CNTNAP2: variants seen among roughly 807,000 people sequenced by gnomAD.
CNTNAP2 encodes contactin associated protein 2, also known as contactin-associated protein-like 2.
CNTNAP2 carries 98 observed loss-of-function variants against 155.2 expected under a neutral mutation model. The observed-to-expected ratio is 0.63, with a 90% CI of 0.54 to 0.75. CNTNAP2 has a LOEUF of 0.75. CNTNAP2 is among the 30% of genes least tolerant of loss of function. The probability of loss-of-function intolerance (pLI) is 0.00; values close to 1 mark genes in which losing one functional copy is unlikely to be tolerated. For synonymous variants in CNTNAP2, 651 were observed against 631.2 expected (o/e 1.03, Z -0.47); for missense variants, 1,727 against 1,688.1 (o/e 1.02, Z -0.40).
chr7:147,536,122 C>G (rs1253043976), intron 11 of CNTNAP2, among the ~76,000 whole-genome samples: 4 of 152,296 alleles, frequency 2.6e-5, no homozygotes, highest in Admixed American at 6.5e-5. Flanking sequence ...AAAATTATTG[C>G]ATCCACAGAG....
Position 147,099,413 on chromosome 7 carries a change from G to T in CNTNAP2, c.551-8734G>T, listed in dbSNP as rs1028785466. Among the ~76,000 whole-genome samples the T allele has an allele frequency of 3.3e-5, 5 of 152,250 alleles. No individual in the cohort carries two copies. In the South Asian group the frequency reaches 6.2e-4, roughly 19 times the overall value. The stretch of plus-strand genomic sequence containing the variant: ...GAGATTAAAATACATGGTCAGGATA[G>T]AGGGGAAGTTGAAGCCATGGCAGCT... On this transcript the variant is annotated intron_variant, in intron 4 of 23. Transcript: ENST00000361727.
At chr7:148,038,911 C>A (rs1045839104) in intron 15 of CNTNAP2, among the ~76,000 whole-genome samples, 4 of 152,054 alleles carry the variant, frequency 2.6e-5, no homozygotes, top group African/African-American at 9.7e-5. Flanking sequence ...TTGGCTCATA[C>A]AATTATGAAA....
intron 12 of CNTNAP2, among the ~76,000 whole-genome samples, chr7:147,591,761 C>T (rs1800737978): frequency 6.6e-6 from 1 of 152,032 alleles, no homozygotes; most frequent in Non-Finnish European, 1.5e-5. Flanking sequence ...GGATAATGTC[C>T]ACTGGCATAC....
chr7:147,466,500 T>C (rs1041886613), intron 10 of CNTNAP2, among the ~76,000 whole-genome samples: 1 of 152,108 alleles, frequency 6.6e-6, no homozygotes, highest in African/African-American at 2.4e-5. Flanking sequence ...TGACTAACCT[T>C]GGGGGATAAT....
At chr7:146,488,423 G>A in intron 1 of CNTNAP2, among the ~76,000 whole-genome samples, 1 of 150,656 alleles carries the variant, frequency 6.6e-6, no homozygotes, top group South Asian at 2.1e-4. Context: ...TTCATTTATT[G>A]AAAAAAACTG....
intron 1 of CNTNAP2, among the ~76,000 whole-genome samples, chr7:146,669,288 C>T (rs1187638389): frequency 6.6e-6 from 1 of 152,066 alleles, no homozygotes; most frequent in Non-Finnish European, 1.5e-5. Flanking sequence ...TTAGTATGTT[C>T]TATTTACTTT....
At chr7:146,581,582 T>G (rs1798611287) in intron 1 of CNTNAP2, among the ~76,000 whole-genome samples, 1 of 152,070 alleles carries the variant, frequency 6.6e-6, no homozygotes, top group Admixed American at 6.6e-5. Context: ...TCCAACATAA[T>G]TTTGTAAAAT....
intron 3 of CNTNAP2, among the ~76,000 whole-genome samples, chr7:146,981,529 A>G (rs551113061): frequency 6.6e-6 from 1 of 152,324 alleles, no homozygotes; most frequent in South Asian, 2.1e-4. Context: ...AGCCCATTAA[A>G]AACCTAGTAT....
chr7:146,447,033 A>G (rs556718190), intron 1 of CNTNAP2, among the ~76,000 whole-genome samples: 3 of 152,156 alleles, frequency 2.0e-5, no homozygotes, highest in South Asian at 4.1e-4. Flanking sequence ...TATCTATTAT[A>G]AAGAGAAAAA....
intron 20 of CNTNAP2, among the ~76,000 whole-genome samples, chr7:148,242,994 G>A (rs1318950457): frequency 6.6e-6 from 1 of 152,158 alleles, no homozygotes; most frequent in Non-Finnish European, 1.5e-5. Context: ...CCCCTTTGTG[G>A]GTAGAAGAGA....
intron 8 of CNTNAP2, among the ~76,000 whole-genome samples, chr7:147,235,142 G>A (rs1053529806): frequency 6.6e-6 from 1 of 152,068 alleles, no homozygotes; most frequent in African/African-American, 2.4e-5. Context: ...ACTCTTCCCC[G>A]AGTGAGAGAG....
chr7:147,702,614 T>G (rs948343712), intron 13 of CNTNAP2, among the ~76,000 whole-genome samples: 1 of 151,784 alleles, frequency 6.6e-6, no homozygotes, highest in African/African-American at 2.4e-5. Context: ...GACCAACAGT[T>G]CAGACCAGAA....
At chr7:146,329,154 C>T (rs1801141581) in intron 1 of CNTNAP2, among the ~76,000 whole-genome samples, 1 of 152,134 alleles carries the variant, frequency 6.6e-6, no homozygotes, top group Non-Finnish European at 1.5e-5. Flanking sequence ...ACCAGGGTTC[C>T]CTTTTCTCTA....
intron 20 of CNTNAP2, among the ~76,000 whole-genome samples, chr7:148,242,437 G>A (rs1409293948): frequency 6.6e-6 from 1 of 152,178 alleles, no homozygotes; most frequent in Non-Finnish European, 1.5e-5. Context: ...GAGCGAGTTC[G>A]GAGCTAGTGT....
intron 10 of CNTNAP2, among the ~76,000 whole-genome samples, chr7:147,433,221 T>C (rs992048754): frequency 6.6e-6 from 1 of 152,178 alleles, no homozygotes; most frequent in Non-Finnish European, 1.5e-5. Context: ...TAAAATACTA[T>C]TTTTTCAGAG....
intron 3 of CNTNAP2, among the ~76,000 whole-genome samples, chr7:146,914,569 AT>A (rs975763344): frequency 2.0e-4 from 31 of 151,926 alleles, no homozygotes; most frequent in African/African-American, 7.5e-4. Context: ...GTATTTTTTC[AT>A]GTGTTTGTTA....
At chr7:147,710,124 T>G (rs1796381274) in intron 13 of CNTNAP2, among the ~76,000 whole-genome samples, 1 of 152,146 alleles carries the variant, frequency 6.6e-6, no homozygotes, top group African/African-American at 2.4e-5. Flanking sequence ...AAAACACACA[T>G]GAATTTTAAA....
intron 1 of CNTNAP2, among the ~76,000 whole-genome samples, chr7:146,650,438 C>G (rs150578408): frequency 6.6e-6 from 1 of 151,970 alleles, no homozygotes; most frequent in Admixed American, 6.6e-5. Flanking sequence ...CAAACTAATA[C>G]AAGAACAGAA....
At chr7:147,321,356 C>T (rs1488591436) in intron 9 of CNTNAP2, among the ~76,000 whole-genome samples, 1 of 152,220 alleles carries the variant, frequency 6.6e-6, no homozygotes, top group East Asian at 1.9e-4. Flanking sequence ...AGGCTTACTT[C>T]CTTCTAAAGC....
Sources: gnomAD v4.1 joint callset for allele counts (sites outside exome capture counted in the v4.1 genomes callset) on GRCh38, gnomAD v4.1.1 for gene constraint, MANE v1.5 for transcripts, NCBI Gene and HGNC (gene_info 2026-07-23, HGNC 2026-07-21) for gene names.